Variants in PDE1C observed in about 807,000 individuals in gnomAD.
PDE1C encodes dual specificity calcium/calmodulin-dependent 3',5'-cyclic nucleotide phosphodiesterase 1C.
Under a neutral mutation model 93.1 loss-of-function variants are expected in PDE1C, and 62 were observed. That is an observed-to-expected ratio of 0.67 (90% CI 0.54 to 0.82). The LOEUF is 0.82. Ranked by LOEUF, PDE1C falls within the 40% of genes least tolerant of loss-of-function variation. The pLI is 0.00. For synonymous variants in PDE1C, 325 were observed against 310.1 expected, an observed-to-expected ratio of 1.05 and a Z score of -0.50; for missense variants, 742 against 884.6, an observed-to-expected ratio of 0.84 and a Z score of 2.04.
At chr7:32,371,968 C>T (rs530166940) in intron 1 of PDE1C, among the ~76,000 whole-genome samples, 14 of 151,950 alleles carry the variant, frequency 9.2e-5, no homozygotes, top group African/African-American at 3.4e-4. Flanking sequence ...CAAGACAGTG[C>T]AGTACAGACA....
At chr7:32,188,696 T>C (rs1804038986) in intron 2 of PDE1C, among the ~76,000 whole-genome samples, 1 of 152,162 alleles carries the variant, frequency 6.6e-6, no homozygotes, top group Non-Finnish European at 1.5e-5. Context: ...TTCAGAAGCC[T>C]ACCTTTCTTC....
intron 1 of PDE1C, among the ~76,000 whole-genome samples, chr7:32,223,802 G>A (rs572224793): frequency 6.6e-6 from 1 of 152,194 alleles, no homozygotes; most frequent in Non-Finnish European, 1.5e-5. Flanking sequence ...TGGGTCCTGC[G>A]GGTGCTTGAG....
chr7:31,873,318 G>T lies in PDE1C; in HGVS notation c.583C>A (p.Arg195Ser). The change falls in exon 6 of 18, where the codon CGT becomes AGT. Residue 195 changes from arginine to serine, a missense_variant. By Grantham distance (110) the Arg-to-Ser change is moderately radical (BLOSUM62 -1). Coordinates refer to ENST00000396191, the MANE Select transcript of PDE1C (RefSeq NM_001191057.4). The part of the protein sequence containing the change: ...LKFIFYELLT[R>S]YDLISRFKIP... ...TTGAAACGGCTGATCAGATCATAAC[G>T]TGTGAGTAGTTCATAGAAAATAAAT... 2.5e-6 allele frequency: 4 copies of T among 1,611,496 alleles called. No individual in the cohort carries two copies. Among genetic ancestry groups the T allele is most frequent in the Non-Finnish European group, 3.4e-6 (4 of 1,177,720 alleles).
chr7:31,948,686 G>A (rs1806952878), intron 2 of PDE1C, among the ~76,000 whole-genome samples: 1 of 152,106 alleles, frequency 6.6e-6, no homozygotes, highest in Non-Finnish European at 1.5e-5. Flanking sequence ...TTTCTAGGGG[G>A]AAAGATTTTT....
At chr7:31,873,957 C>T (rs1277488817) in intron 5 of PDE1C, among the ~76,000 whole-genome samples, 1 of 152,200 alleles carries the variant, frequency 6.6e-6, no homozygotes, top group African/African-American at 2.4e-5. Flanking sequence ...TCTAAGTTTA[C>T]AGTTAAGAAT....
At chr7:31,873,236 G>A in intron 6 of PDE1C, 56 bp downstream of exon 6, 8 of 1,043,466 alleles carry the variant, frequency 7.7e-6, no homozygotes, top group Non-Finnish European at 7.3e-6. Context: ...AAAGTCATAT[G>A]AGGATAAACA....
At chr7:32,306,443 T>C (rs767547379) in intron 1 of PDE1C, among the ~76,000 whole-genome samples, 51 of 152,214 alleles carry the variant, frequency 3.4e-4, no homozygotes, top group Non-Finnish European at 6.3e-4. Flanking sequence ...CACACAGAAA[T>C]GTTCCCTCAA....
chr7:31,734,779 CA>C, the PDE1C span, among the ~76,000 whole-genome samples: 6 of 151,430 alleles, frequency 4.0e-5, no homozygotes, highest in East Asian at 3.9e-4. Context: ...GGTAATCTAA[CA>C]AAAAAAAATT....
intron 3 of PDE1C, among the ~76,000 whole-genome samples, chr7:32,116,983 A>G (rs1277136515): frequency 6.6e-6 from 1 of 152,196 alleles, no homozygotes; most frequent in Non-Finnish European, 1.5e-5. Context: ...CCATATGGGG[A>G]AAGCACTTTT....
At chr7:32,410,913 C>G (rs1308252707) in intron 1 of PDE1C, among the ~76,000 whole-genome samples, 1 of 152,192 alleles carries the variant, frequency 6.6e-6, no homozygotes, top group Non-Finnish European at 1.5e-5. Flanking sequence ...TCCCTTAACC[C>G]TGACTACACC....
At chr7:31,893,484 G>A (rs1426964424) in intron 2 of PDE1C, 1 of 984,570 alleles carries the variant, frequency 1.0e-6, no homozygotes. Context: ...TACTTATGCA[G>A]TCCCATCTCA....
At chr7:32,145,490 C>T (rs1554513399) in intron 3 of PDE1C, among the ~76,000 whole-genome samples, 1 of 152,036 alleles carries the variant, frequency 6.6e-6, no homozygotes, top group Admixed American at 6.6e-5. Context: ...AGCAAAGCTC[C>T]CACTCTCAGG....
intron 1 of PDE1C, among the ~76,000 whole-genome samples, chr7:32,318,710 G>C (rs1783223244): frequency 6.6e-6 from 1 of 152,220 alleles, no homozygotes; most frequent in Non-Finnish European, 1.5e-5. Context: ...GGAATAAAGC[G>C]AGAAATCACG....
chr7:32,079,666 C>T (rs912428492), intron 3 of PDE1C, among the ~76,000 whole-genome samples: 12 of 152,206 alleles, frequency 7.9e-5, no homozygotes, highest in African/African-American at 2.4e-5. Context: ...TTTCTCCACA[C>T]GGTTTCTCCT....
intron 1 of PDE1C, among the ~76,000 whole-genome samples, chr7:32,215,232 T>C (rs1806343621): frequency 6.6e-6 from 1 of 152,136 alleles, no homozygotes; most frequent in Non-Finnish European, 1.5e-5. Context: ...CATAGGAGCA[T>C]GAACCCTATT....
At chr7:32,264,248 T>C (rs1396823733) in intron 1 of PDE1C, among the ~76,000 whole-genome samples, 1 of 152,204 alleles carries the variant, frequency 6.6e-6, no homozygotes, top group African/African-American at 2.4e-5. Flanking sequence ...TTATGCAAGA[T>C]AATGTTATAG....
intron 2 of PDE1C, among the ~76,000 whole-genome samples, chr7:32,012,128 G>A (rs1278860368): frequency 6.6e-6 from 1 of 152,188 alleles, no homozygotes; most frequent in Admixed American, 6.5e-5. Flanking sequence ...AGAAATACCT[G>A]AGGCTAGGTA....
intron 2 of PDE1C, among the ~76,000 whole-genome samples, chr7:32,183,785 G>T (rs1360816174): frequency 1.3e-5 from 2 of 152,102 alleles, no homozygotes; most frequent in Non-Finnish European, 2.9e-5. Flanking sequence ...GGCAACAAAA[G>T]ACAAAATTGA....
chr7:32,297,316 A>G (rs1013106889), intron 1 of PDE1C, among the ~76,000 whole-genome samples: 7 of 152,034 alleles, frequency 4.6e-5, no homozygotes, highest in African/African-American at 1.4e-4. Context: ...AGCCCACAAA[A>G]AGCAAAATAA....
Sources: allele counts gnomAD v4.1 joint callset (sites outside exome capture counted in the v4.1 genomes callset), GRCh38; gene constraint gnomAD v4.1.1; transcripts MANE v1.5; gene names NCBI Gene and HGNC (gene_info 2026-07-23, HGNC 2026-07-21).